ADAMTS3: variants seen among roughly 807,000 people sequenced by gnomAD.
ADAMTS3 encodes the protein A disintegrin and metalloproteinase with thrombospondin motifs 3.
Under a neutral mutation model 129.0 loss-of-function variants are expected in ADAMTS3, and 73 were observed. The observed-to-expected ratio is 0.57, with a 90% CI of 0.47 to 0.69. ADAMTS3 has a LOEUF of 0.69. Among genes scored for constraint, ADAMTS3 ranks in the 30% least tolerant of loss-of-function variants. The pLI, the probability that ADAMTS3 is intolerant of heterozygous loss-of-function variation, is 0.00. For missense variants in ADAMTS3, 1,457 were observed against 1,514.5 expected (o/e 0.96, Z 0.63); for synonymous variants, 477 against 510.8 (o/e 0.93, Z 0.89).
chr4:72,496,099 T>C (rs1207990067), intron 3 of ADAMTS3, among the ~76,000 whole-genome samples: 2 of 152,196 alleles, frequency 1.3e-5, no homozygotes, highest in African/African-American at 4.8e-5. Context: ...ATTAGACTTT[T>C]CTCAGTTGTA....
At chr4:72,333,243 T>C (rs916050519) in intron 5 of ADAMTS3, among the ~76,000 whole-genome samples, 1 of 152,190 alleles carries the variant, frequency 6.6e-6, no homozygotes, top group Non-Finnish European at 1.5e-5. Flanking sequence ...GACCCAAAAC[T>C]AGATGATTTC....
At chr4:72,479,706 A>T (rs1444845837) in intron 3 of ADAMTS3, among the ~76,000 whole-genome samples, 3 of 152,218 alleles carry the variant, frequency 2.0e-5, no homozygotes, top group African/African-American at 7.2e-5. Flanking sequence ...GATCTCATTA[A>T]ACTAAAGAGC....
chr4:72,517,580 A>T (rs558920265), intron 3 of ADAMTS3, among the ~76,000 whole-genome samples: 1 of 152,012 alleles, frequency 6.6e-6, no homozygotes, highest in Non-Finnish European at 1.5e-5. Flanking sequence ...TGTATGTGTC[A>T]AGGAATTTAT....
chr4:72,286,683 C>T (rs557638155), intron 21 of ADAMTS3, among the ~76,000 whole-genome samples: 54 of 152,278 alleles, frequency 3.5e-4, no homozygotes, highest in Admixed American at 1.4e-3. Context: ...AAAACAACGT[C>T]CACAGTTGTC....
intron 3 of ADAMTS3, among the ~76,000 whole-genome samples, chr4:72,460,851 C>T (rs1339626343): frequency 6.6e-6 from 1 of 151,630 alleles, no homozygotes; most frequent in East Asian, 1.9e-4. Flanking sequence ...CAACATTTGA[C>T]TAATAAATTT....
At chr4:72,567,342 A>G in intron 2 of ADAMTS3, 32 bp downstream of exon 2, 1 of 1,594,538 alleles carries the variant, frequency 6.3e-7, no homozygotes, top group Non-Finnish European at 8.5e-7. Flanking sequence ...TTTCAACTTA[A>G]GATAAGAGTG....
At chr4:72,451,889 G>A (rs962105830) in intron 3 of ADAMTS3, among the ~76,000 whole-genome samples, 2 of 151,654 alleles carry the variant, frequency 1.3e-5, no homozygotes, top group Non-Finnish European at 2.9e-5. Context: ...TTGAGCCCAC[G>A]AGTTTAAGAG....
chr4:72,379,187 G>C (rs1437425548), intron 4 of ADAMTS3, among the ~76,000 whole-genome samples: 2 of 152,024 alleles, frequency 1.3e-5, no homozygotes, highest in African/African-American at 4.8e-5. Flanking sequence ...CTCAGGGGGA[G>C]GGGCTATTCA....
At chr4:72,287,214 T>G (rs1378800258) in intron 21 of ADAMTS3, among the ~76,000 whole-genome samples, 11 of 151,998 alleles carry the variant, frequency 7.2e-5, no homozygotes, top group Non-Finnish European at 1.6e-4. Context: ...CTAAATCTGC[T>G]GATGCCTTGA....
At chr4:72,416,172 A>AATATAAATATATATATACATATATGT (rs149079357) in intron 3 of ADAMTS3, among the ~76,000 whole-genome samples, 95,416 of 145,784 alleles carry the variant, frequency 0.65, 32,031 homozygotes, top group South Asian at 0.8. Flanking sequence ...AGCAAATATA[A>AATATAAATATATATATACATATATGT]ATATAAATAT....
chr4:72,491,369 T>C (rs1275746499), intron 3 of ADAMTS3, among the ~76,000 whole-genome samples: 1 of 151,838 alleles, frequency 6.6e-6, no homozygotes, highest in African/African-American at 2.4e-5. Context: ...CATCTTTGTA[T>C]TGTTCAGTAT....
At chr4:72,317,291 C>A (rs1719423458) in intron 10 of ADAMTS3, among the ~76,000 whole-genome samples, 1 of 151,960 alleles carries the variant, frequency 6.6e-6, no homozygotes, top group African/African-American at 2.4e-5. Context: ...CTTTAGAATT[C>A]TCTGATTTAA....
chr4:72,475,010 G>A (rs1719190408), intron 3 of ADAMTS3, among the ~76,000 whole-genome samples: 1 of 149,690 alleles, frequency 6.7e-6, no homozygotes, highest in Non-Finnish European at 1.5e-5. Flanking sequence ...CTGGGCGACA[G>A]AGCGAGACTC....
Position 72,353,926 on chromosome 4 carries a change from A to AT in ADAMTS3, c.662-14234dup, listed in dbSNP as rs1379287369. On this transcript the variant is annotated intron_variant, in intron 4 of 21. Coordinates refer to ENST00000286657, the MANE Select transcript of ADAMTS3 (RefSeq NM_014243.3). ...GTTGTGGAGTTTGCCTAATACCCCC[A>AT]TTTTTTTCTCCTACATCCCTCAGGA... 7.3e-5 allele frequency among the ~76,000 whole-genome samples: 11 copies of AT among 151,648 alleles called. No individual in the cohort carries two copies. In the East Asian group the frequency reaches 2.2e-3, roughly 30 times the overall value.
chr4:72,396,676 C>G (rs1228182610), intron 4 of ADAMTS3, among the ~76,000 whole-genome samples: 1 of 152,122 alleles, frequency 6.6e-6, no homozygotes, highest in East Asian at 1.9e-4. Context: ...CATGACATTA[C>G]TTTTAAAGCA....
chr4:72,441,099 C>T (rs1718100788), intron 3 of ADAMTS3, among the ~76,000 whole-genome samples: 2 of 151,670 alleles, frequency 1.3e-5, no homozygotes, highest in Admixed American at 6.6e-5. Flanking sequence ...CAACCACTTC[C>T]TGATTTCTAA....
intron 3 of ADAMTS3, among the ~76,000 whole-genome samples, chr4:72,543,261 T>G (rs115138233): frequency 0.015 from 2,292 of 152,230 alleles, 68 homozygotes; most frequent in African/African-American, 0.052. Flanking sequence ...TTATCAGCAG[T>G]GTAAAGATGA....
At chr4:72,563,943 A>G (rs1721964468) in intron 2 of ADAMTS3, among the ~76,000 whole-genome samples, 1 of 152,228 alleles carries the variant, frequency 6.6e-6, no homozygotes, top group African/African-American at 2.4e-5. Flanking sequence ...TTACTGGTCA[A>G]TAACTAGGTA....
intron 8 of ADAMTS3, 57 bp downstream of exon 8, chr4:72,319,801 G>T: frequency 1.5e-6 from 2 of 1,364,798 alleles, no homozygotes; most frequent in Non-Finnish European, 2.1e-6. Flanking sequence ...ACAATACTGG[G>T]AGAAGCAGGA....
Sources: gnomAD v4.1 joint callset for allele counts (sites outside exome capture counted in the v4.1 genomes callset) on GRCh38, gnomAD v4.1.1 for gene constraint, MANE v1.5 for transcripts, NCBI Gene and HGNC (gene_info 2026-07-23, HGNC 2026-07-21) for gene names.